NEK3: variants seen among roughly 807,000 people sequenced by gnomAD.
NEK3 encodes serine/threonine-protein kinase Nek3.
Under a neutral mutation model 66.0 loss-of-function variants are expected in NEK3, and 54 were observed. The observed-to-expected ratio is 0.82, with a 90% CI of 0.66 to 1.03. NEK3 has a LOEUF of 1.03. Among genes scored for constraint, NEK3 ranks in the 50% least tolerant of loss-of-function variants. NEK3 has a pLI of 0.00. For missense variants in NEK3, 593 were observed against 603.0 expected (o/e 0.98, Z 0.17); for synonymous variants, 200 against 206.2 (o/e 0.97, Z 0.26).
intron 7 of NEK3, among the ~76,000 whole-genome samples, chr13:52,149,893 A>G (rs1956328340): frequency 6.6e-6 from 1 of 151,578 alleles, no homozygotes; most frequent in Non-Finnish European, 1.5e-5. Context: ...AAGGTTGCAG[A>G]TATTGAACAC....
chr13:52,137,497 A>T (rs776976042), intron 11 of NEK3, among the ~76,000 whole-genome samples: 1 of 152,228 alleles, frequency 6.6e-6, no homozygotes, highest in Admixed American at 6.5e-5. Flanking sequence ...TATTGAATGA[A>T]TAAAGAAAGA....
chr13:52,145,896 T>C (rs185148391), intron 8 of NEK3, among the ~76,000 whole-genome samples: 1 of 152,346 alleles, frequency 6.6e-6, no homozygotes, highest in East Asian at 1.9e-4. Context: ...GGCACCCATT[T>C]ACCTATGTAA....
In NEK3 at chr13:52,136,399, TTCTAA is replaced by T. The variant is rs1956206586; in HGVS notation, c.1031-145_1031-141del. ...TCTATGTTTGAAAGATCAATGTTCT[TTCTAA>T]TCTAAGTAGCAAAGGAAATTTAAAA... On this transcript the variant is annotated intron_variant, in intron 12 of 15. Transcript: ENST00000610828. 25 of 922,254 alleles carry T rather than the reference TTCTAA, an allele frequency of 2.7e-5. No homozygotes were observed. In the Middle Eastern group the frequency reaches 3.0e-3, roughly 111 times the overall value. The allele number at this position is 922,254 out of a possible 1,614,324, so 57.1% of individuals were successfully genotyped here.
At position 52,147,113 on chromosome 13, in the gene NEK3, CTA is replaced by C. The variant is rs377761420; in HGVS notation, c.603+1300_603+1301del. On this transcript the variant is annotated intron_variant, in intron 8 of 15. Coordinates refer to ENST00000610828, the MANE Select transcript of NEK3 (RefSeq NM_002498.3). ...GAAAAAACACATTATAGGGCAAAGT[CTA>C]TGTTTTCATGATGTTTCAGTTAGAG... is the stretch of plus-strand genomic sequence containing the variant. 1.6e-4 allele frequency among the ~76,000 whole-genome samples: 24 copies of C among 152,202 alleles called. No homozygotes were observed. In the East Asian group the frequency reaches 4.2e-3, roughly 27 times the overall value.
Position 52,156,117 on chromosome 13 carries a change from G to C in NEK3, c.75C>G (p.Ser25Arg). The C allele has an allele frequency of 6.2e-7, 1 of 1,607,892 alleles. No individual in the cohort carries two copies. The change falls in exon 2 of 16, where the codon AGC (serine) becomes AGG (arginine). Residue 25 changes from serine to arginine, a missense_variant. Coordinates refer to ENST00000610828, the MANE Select transcript of NEK3 (RefSeq NM_002498.3). Reference sequence around the variant, plus strand: ...CTTTCATGGCAAACATCTGATTACTGCTTTCATGCTGAACCAAAAGAGCTC... The same window carrying C: ...CTTTCATGGCAAACATCTGATTACTCCTTTCATGCTGAACCAAAAGAGCTC... ...FGRALLVQHE[S>R]SNQMFAMKEI...
chr13:52,136,981 A>G, intron 11 of NEK3, 79 bp from the exon 12 acceptor site: 1 of 944,084 alleles, frequency 1.1e-6, no homozygotes, highest in Non-Finnish European at 1.5e-6. Context: ...AAAGTCAGCC[A>G]TTTTAATTTC....
In NEK3 at chr13:52,154,227, A is replaced by G. The variant is rs537467396; in HGVS notation, c.118-54T>C. The G allele has an allele frequency of 6.3e-6, 7 of 1,107,434 alleles. No individual in the cohort carries two copies. The African/African-American group carries it at 9.5e-5, about 15-fold the overall frequency. The allele number at this position is 1,107,434 out of a possible 1,614,324, so 68.6% of individuals were successfully genotyped here. On this transcript the variant is annotated intron_variant, in intron 2 of 15. Coordinates refer to ENST00000610828, the MANE Select transcript of NEK3 (RefSeq NM_002498.3). ...CTTAATACTGCATTTTAAAATACAT[A>G]ACTTTACAATAACATGGTTTATATG...
intron 8 of NEK3, among the ~76,000 whole-genome samples, chr13:52,147,039 C>T (rs1020915328): frequency 9.9e-5 from 15 of 152,082 alleles, no homozygotes; most frequent in Admixed American, 9.2e-4. Context: ...GCTGAACAAG[C>T]GGGACAAGTT....
Position 52,147,896 on chromosome 13 carries a change from T to C in NEK3, c.603+519A>G, listed in dbSNP as rs533756364. ...CTGTAGTCCCAGCTACTTGGGAGGC[T>C]GAGGCAGGAGAATCACTTGAACCCA... is the stretch of plus-strand genomic sequence containing the variant. On this transcript the variant is annotated intron_variant, in intron 8 of 15. Transcript: ENST00000610828. Among the ~76,000 whole-genome samples the C allele has an allele frequency of 7.9e-5, 12 of 152,242 alleles. No individual in the cohort carries two copies. The East Asian group carries it at 2.3e-3, about 29-fold the overall frequency.
chr13:52,155,140 C>A (rs376099287), intron 2 of NEK3, among the ~76,000 whole-genome samples: 1 of 151,952 alleles, frequency 6.6e-6, no homozygotes, highest in East Asian at 1.9e-4. Flanking sequence ...ACAAGCCCTC[C>A]AGATGATTAT....
intron 1 of NEK3, among the ~76,000 whole-genome samples, chr13:52,158,220 G>A (rs1010093165): frequency 6.6e-6 from 1 of 152,208 alleles, no homozygotes; most frequent in Non-Finnish European, 1.5e-5. Context: ...TTATAAGGCA[G>A]AGAGAGCATG....
At chr13:52,142,299 C>T (rs534648178) in intron 10 of NEK3, among the ~76,000 whole-genome samples, 10 of 147,688 alleles carry the variant, frequency 6.8e-5, no homozygotes, top group African/African-American at 1.7e-4. Context: ...TTTTTGGAGA[C>T]GGAGTCTCGC....
chr13:52,148,008 AAAC>A (rs1956308528), intron 8 of NEK3: 1 of 155,764 alleles, frequency 6.4e-6, no homozygotes, highest in Non-Finnish European at 1.4e-5. Context: ...AAACGAAACA[AAAC>A]AAAACAAAAC....
intron 10 of NEK3, among the ~76,000 whole-genome samples, chr13:52,141,886 C>A: frequency 6.6e-6 from 1 of 151,070 alleles, no homozygotes; most frequent in African/African-American, 2.4e-5. Context: ...TTGAGACCAG[C>A]CTGCTCAACA....
intron 11 of NEK3, among the ~76,000 whole-genome samples, chr13:52,140,441 T>C (rs1176835700): frequency 2.0e-5 from 3 of 151,830 alleles, no homozygotes; most frequent in East Asian, 2.0e-4. Context: ...ACCCTGTCTC[T>C]ACTAAAAATA....
chr13:52,141,169 GT>G (rs566964349), intron 10 of NEK3, 100 bp from the exon 11 acceptor site: 10 of 1,035,902 alleles, frequency 9.7e-6, no homozygotes, highest in Non-Finnish European at 1.4e-5. Context: ...AGTGAGTGAG[GT>G]TATTAAAGTC....
rs1263325583 is a variant in NEK3, at chr13:52,136,872, GGCTA to G, written c.954_957del (p.Ser319IlefsTer11). On this transcript the variant is annotated frameshift_variant, in exon 12 of 16. Coordinates refer to ENST00000610828, the MANE Select transcript of NEK3 (RefSeq NM_002498.3). LOFTEE classifies it high-confidence loss of function. ...TCATTAATGCTTTCCAAATCAGTAT[GGCTA>G]CCCTTTCTATCTTGTTCTTCCTCTT... 1 of 1,571,650 alleles carries G rather than the reference GGCTA, an allele frequency of 6.4e-7. No homozygotes were observed. The highest frequency in any genetic ancestry group is 8.6e-7 in the Non-Finnish European group (1 of 1,157,406).
intron 9 of NEK3, 118 bp downstream of exon 9, chr13:52,144,573 T>C (rs1956277799): frequency 1.3e-6 from 1 of 793,728 alleles, no homozygotes; most frequent in Non-Finnish European, 2.0e-6. Flanking sequence ...TATTTTTTAA[T>C]ATACTTCTGT....
chr13:52,150,763 G>C (rs371412482), intron 7 of NEK3, among the ~76,000 whole-genome samples: 1 of 152,132 alleles, frequency 6.6e-6, no homozygotes, highest in Admixed American at 6.6e-5. Flanking sequence ...AAAAATTACT[G>C]ATGCCTGCTT....
Sources: allele counts gnomAD v4.1 joint callset (sites outside exome capture counted in the v4.1 genomes callset), GRCh38; gene constraint gnomAD v4.1.1; transcripts MANE v1.5; gene names NCBI Gene and HGNC (gene_info 2026-07-23, HGNC 2026-07-21).